The following CKAP2 variants were observed in gnomAD, a reference collection of about 807,000 sequenced individuals.
CKAP2 encodes the protein cytoskeleton associated protein 2.
A neutral mutation model predicts 58.4 loss-of-function variants in CKAP2; 46 were observed. The observed-to-expected ratio is 0.79, with a 90% CI of 0.62 to 1.01. The LOEUF (loss-of-function observed/expected upper bound fraction) is 1.01. Among genes scored for constraint, CKAP2 ranks in the 50% least tolerant of loss-of-function variants. The probability of loss-of-function intolerance (pLI) is 0.00; values close to 1 mark genes in which losing one functional copy is unlikely to be tolerated. For missense variants in CKAP2, 809 were observed against 796.4 expected (o/e 1.02, Z -0.19); for synonymous variants, 293 against 280.9 (o/e 1.04, Z -0.43).
chr13:52,463,843 T>G (rs1473660718), intron 5 of CKAP2, among the ~76,000 whole-genome samples: 1 of 152,188 alleles, frequency 6.6e-6, no homozygotes, highest in Non-Finnish European at 1.5e-5. Context: ...CTTTTTCTGT[T>G]CTGGATAAAT....
chr13:52,466,636 G>A (rs934713452), intron 6 of CKAP2, among the ~76,000 whole-genome samples: 2 of 152,214 alleles, frequency 1.3e-5, no homozygotes, highest in Non-Finnish European at 2.9e-5. Context: ...TAAACAGCAA[G>A]ATGTAACACC....
intron 7 of CKAP2, among the ~76,000 whole-genome samples, chr13:52,471,721 T>A (rs1423691012): frequency 6.6e-6 from 1 of 152,200 alleles, no homozygotes; most frequent in African/African-American, 2.4e-5. Flanking sequence ...GTTCCCAACC[T>A]TTTTTCCCCA....
In CKAP2 at chr13:52,461,449, C is replaced by G; in HGVS notation, c.623C>G (p.Ser208Ter). 5 of 1,614,166 alleles carry G rather than the reference C, an allele frequency of 3.1e-6. No individual in the cohort carries two copies. The highest frequency in any genetic ancestry group is 2.5e-6 in the Non-Finnish European group (3 of 1,180,020). Reference sequence around the variant, plus strand: ...AGTTCTGCAGCAACAAAGAAACTTTCAGCCACTATACCTAAAGCCACAAAA... The same window carrying G: ...AGTTCTGCAGCAACAAAGAAACTTTGAGCCACTATACCTAAAGCCACAAAA... ...DESSAATKKL[S>*]ATIPKATKPQ... The change falls in exon 4 of 9, where the codon TCA becomes TGA. Residue 208 changes from serine to a stop codon, truncating the protein, a stop_gained. Coordinates refer to ENST00000258607, the MANE Select transcript of CKAP2 (RefSeq NM_018204.5). LOFTEE classifies it high-confidence loss of function.
chr13:52,465,920 C>CAT lies in CKAP2; in HGVS notation c.1476+463_1476+464dup, dbSNP rs563549356. The stretch of plus-strand genomic sequence containing the variant: ...ACTCATATATGTATATATATACACA[C>CAT]ATATATATACACACATATATATACA... On this transcript the variant is annotated intron_variant, in intron 6 of 8. Coordinates refer to ENST00000258607, the MANE Select transcript of CKAP2 (RefSeq NM_018204.5). 661 of 323,114 alleles carry CAT rather than the reference C, an allele frequency of 2.0e-3. 2 individuals carry two copies. Among genetic ancestry groups the CAT allele is most frequent in the African/African-American group, 0.012 (566 of 46,266 alleles). The allele number at this position is 323,114 out of a possible 1,614,324, so 20.0% of individuals were successfully genotyped here. A position where few individuals can be genotyped will look rare whatever the true frequency, so the allele number is the denominator to read the frequency against.
At chr13:52,462,271 T>G in intron 4 of CKAP2, 92 bp from the exon 5 acceptor site, 3 of 1,137,816 alleles carry the variant, frequency 2.6e-6, no homozygotes, top group Non-Finnish European at 3.8e-6. Flanking sequence ...TAAAGTAAGA[T>G]TACTTAAAAA....
Position 52,474,898 on chromosome 13 carries a change from G to A in CKAP2, c.1806G>A (p.Val602=), listed in dbSNP as rs1414905030. 3 of 1,605,020 alleles carry A rather than the reference G, an allele frequency of 1.9e-6. No homozygotes were observed. Among genetic ancestry groups the A allele is most frequent in the Non-Finnish European group, 2.6e-6 (3 of 1,174,248 alleles). ...GGAATATTGTTTTAATTTTCAGTGT[G>A]AAAAAAAAGGTGCAGTTTGATGGAA... is the stretch of plus-strand genomic sequence containing the variant. The part of the protein sequence containing the change: ...NVSTTPYLQS[V]KKKVQFDGTN... Residue 602 remains valine, a synonymous_variant, in exon 9 of 9, where the codon GTG becomes GTA. Transcript: ENST00000258607.
intron 5 of CKAP2, among the ~76,000 whole-genome samples, chr13:52,464,847 A>G (rs909051007): frequency 1.3e-5 from 2 of 152,206 alleles, no homozygotes; most frequent in Admixed American, 6.5e-5. Context: ...AACACCAGTA[A>G]AAGTTACAAT....
rs962458031 is a variant in CKAP2 at position 52,460,468 on chromosome 13, A to G, written c.156-431A>G. On this transcript the variant is annotated intron_variant, in intron 2 of 8. Transcript: ENST00000258607. ...TGTTTACACTATTTTTTTTTGAGAC[A>G]GAGTCTCTCTCTGTCACCCAGGCTG... Among the ~76,000 whole-genome samples, 2 of 151,204 alleles carry G rather than the reference A, an allele frequency of 1.3e-5. 1 individual carries two copies. Among genetic ancestry groups the G allele is most frequent in the Non-Finnish European group, 2.9e-5 (2 of 67,832 alleles).
At chr13:52,468,010 C>T (rs945694217) in intron 6 of CKAP2, among the ~76,000 whole-genome samples, 1 of 151,992 alleles carries the variant, frequency 6.6e-6, no homozygotes, top group Non-Finnish European at 1.5e-5. Flanking sequence ...CGGGGTTTCA[C>T]CGTGTTAGCC....
chr13:52,466,034 CATAT>C (rs572461251), intron 6 of CKAP2, among the ~76,000 whole-genome samples: 1 of 150,648 alleles, frequency 6.6e-6, no homozygotes, highest in South Asian at 2.1e-4. Flanking sequence ...CACATATACA[CATAT>C]ATACACACAC....
At chr13:52,474,806 C>A in intron 8 of CKAP2, 89 bp from the exon 9 acceptor site, 1 of 1,265,890 alleles carries the variant, frequency 7.9e-7, no homozygotes, top group South Asian at 1.5e-5. Context: ...TTATAACATA[C>A]AAGCTATATA....
intron 7 of CKAP2, chr13:52,473,576 C>A: frequency 2.8e-6 from 1 of 360,976 alleles, no homozygotes; most frequent in South Asian, 6.0e-5. Context: ...ATACCACAGG[C>A]AAAGTTAGTT....
At chr13:52,469,183 T>C (rs1435154610) in intron 7 of CKAP2, among the ~76,000 whole-genome samples, 2 of 152,232 alleles carry the variant, frequency 1.3e-5, no homozygotes, top group Admixed American at 1.3e-4. Context: ...TCTTTCCTCA[T>C]ACTTCTGTTG....
chr13:52,473,808 C>T (rs1456791003), intron 7 of CKAP2, 21 bp from the exon 8 acceptor site: 10 of 1,573,746 alleles, frequency 6.4e-6, no homozygotes, highest in Non-Finnish European at 8.6e-6. Flanking sequence ...AAAGCTTAAT[C>T]TATAAATGTA....
chr13:52,459,732 G>A (rs1412377552), intron 2 of CKAP2, among the ~76,000 whole-genome samples: 4 of 151,928 alleles, frequency 2.6e-5, no homozygotes, highest in Non-Finnish European at 5.9e-5. Context: ...TTTTCCTATC[G>A]TTATAGTACA....
At chr13:52,468,394 T>C (rs79400735) in intron 7 of CKAP2, 47 bp downstream of exon 7, 1 of 1,172,614 alleles carries the variant, frequency 8.5e-7, no homozygotes, top group African/African-American at 1.6e-5. Context: ...GTAGTTTTTT[T>C]TTGTTGTTGT....
intron 7 of CKAP2, among the ~76,000 whole-genome samples, chr13:52,470,184 C>T (rs1254171662): frequency 6.6e-6 from 1 of 151,466 alleles, no homozygotes; most frequent in Non-Finnish European, 1.5e-5. Context: ...CGGCTCACTG[C>T]AACCTCCGCC....
rs1487947117 is a variant in CKAP2, at chr13:52,462,501, T to C, written c.1239T>C (p.Asp413=). 1 of 1,614,086 alleles carries C rather than the reference T, an allele frequency of 6.2e-7. No individual in the cohort carries two copies. The highest frequency in any genetic ancestry group is 1.3e-5 in the African/African-American group (1 of 75,056). The change falls in exon 5 of 9, where the codon GAT becomes GAC. Residue 413 remains aspartate, a synonymous_variant. Transcript: ENST00000258607. ...TTTGGACTACCATGGCAGAAGAAGA[T>C]GAACAAAGATTATTTACTGAAAAAG... ...GSFWTTMAEE[D]EQRLFTEKVN... is the part of the protein sequence containing the mutation.
In CKAP2 at chr13:52,461,061, G is replaced by A; in HGVS notation, c.235G>A (p.Asp79Asn). 6.3e-7 allele frequency: 1 copy of A among 1,598,408 alleles called. No homozygotes were observed. Among genetic ancestry groups the A allele is most frequent in the Non-Finnish European group, 8.5e-7 (1 of 1,175,012 alleles). ...KVLKLKTKMA[D>N]KENMKRPAES... ...TTTTCTTAAATAATTCTTTCAGGCTGATAAAGAAAACATGAAGAGACCTGC... is the reference window on the plus strand; with the variant it reads ...TTTTCTTAAATAATTCTTTCAGGCTAATAAAGAAAACATGAAGAGACCTGC... Residue 79 changes from aspartate (D) to asparagine (N), a missense_variant, in exon 4 of 9, where the codon GAT (aspartate) becomes AAT (asparagine). Physicochemically the swap from Asp to Asn is conservative, Grantham distance 23. Around this residue, in one of 3 missense-constraint regions of CKAP2, gnomAD observed 523 missense variants for 492.4 expected, o/e 1.06. Coordinates refer to ENST00000258607, the MANE Select transcript of CKAP2 (RefSeq NM_018204.5).
Sources: allele counts gnomAD v4.1 joint callset (sites outside exome capture counted in the v4.1 genomes callset), GRCh38; gene constraint gnomAD v4.1.1; regional missense constraint gnomAD v4.1.1; transcripts MANE v1.5; gene names NCBI Gene and HGNC (gene_info 2026-07-23, HGNC 2026-07-21).